The following FTO variants were observed in gnomAD, a reference collection of about 807,000 sequenced individuals.
FTO encodes alpha-ketoglutarate-dependent dioxygenase FTO.
Under a neutral mutation model 63.9 loss-of-function variants are expected in FTO, and 47 were observed. That is an observed-to-expected ratio of 0.74 (90% CI 0.58 to 0.94). FTO has a LOEUF of 0.94. FTO is among the 40% of genes least tolerant of loss of function. The probability of loss-of-function intolerance (pLI) is 0.00; values close to 1 mark genes in which losing one functional copy is unlikely to be tolerated. For synonymous variants in FTO, 207 were observed against 224.4 expected, an observed-to-expected ratio of 0.92 and a Z score of 0.69; for missense variants, 562 against 618.1, an observed-to-expected ratio of 0.91 and a Z score of 0.96.
intron 5 of FTO, among the ~76,000 whole-genome samples, chr16:53,878,950 G>T (rs138726299): frequency 0.013 from 1,944 of 152,320 alleles, 20 homozygotes; most frequent in Middle Eastern, 0.027. Flanking sequence ...ACTGCCTAGT[G>T]TATGCTTTTT....
At chr16:53,831,388 T>TC (rs1231129936) in intron 3 of FTO, among the ~76,000 whole-genome samples, 2 of 152,082 alleles carry the variant, frequency 1.3e-5, no homozygotes, top group Non-Finnish European at 2.9e-5. Context: ...GGGGTGACCA[T>TC]CCAGTTATTT....
chr16:53,949,279 T>A (rs2082717914), intron 8 of FTO, among the ~76,000 whole-genome samples: 1 of 152,184 alleles, frequency 6.6e-6, no homozygotes. Context: ...AAAGATGTCA[T>A]GTGGCCAGAA....
intron 3 of FTO, among the ~76,000 whole-genome samples, chr16:53,830,488 C>T (rs7204916): frequency 0.38 from 58,400 of 152,068 alleles, 11,651 homozygotes; most frequent in Middle Eastern, 0.51. Flanking sequence ...GTTTCTTTGT[C>T]TGGAAGGAAA....
intron 1 of FTO, among the ~76,000 whole-genome samples, chr16:53,727,351 A>G (rs961337424): frequency 3.3e-5 from 5 of 152,202 alleles, no homozygotes; most frequent in African/African-American, 1.2e-4. Flanking sequence ...TTTGGTCTCT[A>G]TGTAGTGTTG....
At chr16:54,042,531 G>T (rs1489513776) in intron 8 of FTO, among the ~76,000 whole-genome samples, 1 of 56,354 alleles carries the variant, frequency 1.8e-5, no homozygotes, top group Non-Finnish European at 2.8e-5. Flanking sequence ...GGCTGGGGGA[G>T]GGGCGCCCGC....
intron 1 of FTO, among the ~76,000 whole-genome samples, chr16:53,723,119 C>T (rs969971012): frequency 4.6e-5 from 7 of 152,156 alleles, no homozygotes; most frequent in Non-Finnish European, 2.9e-5. Context: ...ATTTATCTCC[C>T]ACTTTCATTA....
chr16:53,758,735 G>A (rs925541514), intron 1 of FTO, among the ~76,000 whole-genome samples: 26 of 152,198 alleles, frequency 1.7e-4, no homozygotes, highest in Middle Eastern at 6.8e-3. Context: ...AGAGGAACAG[G>A]AAAATGTGGA....
intron 8 of FTO, chr16:53,979,389 A>G: frequency 2.5e-6 from 1 of 398,598 alleles, no homozygotes; most frequent in East Asian, 3.6e-5. Flanking sequence ...ACCAATTTAC[A>G]GATTCATCAA....
At chr16:53,914,695 T>C (rs1325034680) in intron 7 of FTO, among the ~76,000 whole-genome samples, 1 of 152,200 alleles carries the variant, frequency 6.6e-6, no homozygotes, top group African/African-American at 2.4e-5. Flanking sequence ...GGCGAATGCT[T>C]AAGGGACTCA....
chr16:54,078,510 C>T (rs1174196819), intron 8 of FTO, among the ~76,000 whole-genome samples: 1 of 151,938 alleles, frequency 6.6e-6, no homozygotes, highest in African/African-American at 2.4e-5. Flanking sequence ...GCAGAGTTCT[C>T]AGTTACACAG....
chr16:53,894,731 A>G (rs2081235728), intron 7 of FTO, among the ~76,000 whole-genome samples: 2 of 152,006 alleles, frequency 1.3e-5, no homozygotes, highest in Admixed American at 1.3e-4. Flanking sequence ...CCCATTTTTC[A>G]GGGTTAGCAT....
At chr16:53,909,815 T>C (rs1256487165) in intron 7 of FTO, among the ~76,000 whole-genome samples, 1 of 152,146 alleles carries the variant, frequency 6.6e-6, no homozygotes, top group South Asian at 2.1e-4. Context: ...CCGCCCGCAT[T>C]GGCTTTCCAG....
intron 8 of FTO, among the ~76,000 whole-genome samples, chr16:54,017,711 A>G (rs2084486390): frequency 6.6e-6 from 1 of 152,176 alleles, no homozygotes; most frequent in Non-Finnish European, 1.5e-5. Flanking sequence ...AAAAAAGGAA[A>G]GAAAAGAAAA....
chr16:53,926,819 G>GT (rs1038686915), intron 7 of FTO, among the ~76,000 whole-genome samples: 112 of 150,652 alleles, frequency 7.4e-4, no homozygotes, highest in African/African-American at 2.3e-3. Context: ...TATCAAAAGG[G>GT]TTTTTTTTTT....
intron 1 of FTO, among the ~76,000 whole-genome samples, chr16:53,773,190 A>G (rs2077381657): frequency 6.6e-6 from 1 of 151,954 alleles, no homozygotes; most frequent in Non-Finnish European, 1.5e-5. Flanking sequence ...AAATATATGT[A>G]TGCTTTAAAA....
intron 8 of FTO, among the ~76,000 whole-genome samples, chr16:54,081,110 A>G (rs1171731831): frequency 6.6e-6 from 1 of 152,050 alleles, no homozygotes; most frequent in African/African-American, 2.4e-5. Context: ...CTGGAATCGC[A>G]TCAATATTTT....
chr16:54,031,970 A>G (rs1330488221), intron 8 of FTO, among the ~76,000 whole-genome samples: 1 of 152,204 alleles, frequency 6.6e-6, no homozygotes, highest in East Asian at 1.9e-4. Flanking sequence ...TAGTGTGTTA[A>G]GCTATCTGGC....
chr16:53,760,903 A>G (rs140352463), intron 1 of FTO, among the ~76,000 whole-genome samples: 3,558 of 152,212 alleles, frequency 0.023, 134 homozygotes, highest in African/African-American at 0.081. Flanking sequence ...CTGGGATTAC[A>G]GGCGTGAGCC....
At chr16:54,062,016 A>T in intron 8 of FTO, among the ~76,000 whole-genome samples, 1 of 152,212 alleles carries the variant, frequency 6.6e-6, no homozygotes, top group East Asian at 1.9e-4. Flanking sequence ...TGGGATCAAA[A>T]TAAAGGAAAA....
Sources: gnomAD v4.1 joint callset for allele counts (sites outside exome capture counted in the v4.1 genomes callset) on GRCh38, gnomAD v4.1.1 for gene constraint, MANE v1.5 for transcripts, NCBI Gene and HGNC (gene_info 2026-07-23, HGNC 2026-07-21) for gene names.